Variants in VAV2 observed in about 807,000 individuals in gnomAD.
VAV2 encodes the protein vav guanine nucleotide exchange factor 2, also known as guanine nucleotide exchange factor VAV2.
In VAV2, 67 loss-of-function variants were observed where a neutral mutation model predicts 132.5. That is an observed-to-expected ratio of 0.51 (90% confidence interval 0.42 to 0.62). The LOEUF is 0.62. Among genes scored for constraint, VAV2 ranks in the 20% least tolerant of loss-of-function variants. The pLI, the probability that VAV2 is intolerant of heterozygous loss-of-function variation, is 0.00. For synonymous variants in VAV2, 492 were observed against 443.5 expected, an observed-to-expected ratio of 1.11 and a Z score of -1.37; for missense variants, 938 against 1,153.6, an observed-to-expected ratio of 0.81 and a Z score of 2.71.
chr9:133,815,674 C>A (rs1835529344), intron 4 of VAV2, among the ~76,000 whole-genome samples: 1 of 152,184 alleles, frequency 6.6e-6, no homozygotes. Context: ...ACGGCATGAA[C>A]AACAACGTGC....
At chr9:133,862,317 G>C (rs189129056) in intron 2 of VAV2, among the ~76,000 whole-genome samples, 5 of 152,372 alleles carry the variant, frequency 3.3e-5, no homozygotes, top group African/African-American at 1.2e-4. Flanking sequence ...CGCGGTGGGG[G>C]ACAGGGAGCT....
chr9:133,973,815 G>T (rs1842420129), intron 1 of VAV2, among the ~76,000 whole-genome samples: 1 of 152,128 alleles, frequency 6.6e-6, no homozygotes, highest in Non-Finnish European at 1.5e-5. Context: ...CCCTAAAGAG[G>T]AAGACAAAAT....
rs1320806838 is a variant in VAV2, at chr9:133,768,717, G to A, written c.2435-121C>T. On this transcript the variant is annotated intron_variant, in intron 28 of 29. Transcript: ENST00000371850. The surrounding 1 kb of genome is among the most constrained non-coding windows in gnomAD (Gnocchi z 5.3). ...CCCAGAACCCTGCTCTGTACCCAGA[G>A]AGGAAGGATGTCAAGCAGAAAGGCT... 5 of 1,269,036 alleles carry A rather than the reference G, an allele frequency of 3.9e-6. No individual in the cohort carries two copies. Among genetic ancestry groups the A allele is most frequent in the South Asian group, 1.5e-5 (1 of 65,358 alleles). 78.6% of individuals were successfully genotyped at this position (1,269,036 alleles called of 1,614,324 possible).
At chr9:133,846,759 C>T (rs376475745) in intron 3 of VAV2, among the ~76,000 whole-genome samples, 3 of 152,240 alleles carry the variant, frequency 2.0e-5, no homozygotes, top group Non-Finnish European at 4.4e-5. Context: ...GAGACCGTGT[C>T]CCGGGAACTC....
chr9:133,869,090 G>A (rs77712854), intron 2 of VAV2, among the ~76,000 whole-genome samples: 5,736 of 151,604 alleles, frequency 0.038, 219 homozygotes, highest in African/African-American at 0.095. Flanking sequence ...TCTGCCTCCC[G>A]GGCTCAAGCG....
At chr9:133,964,048 T>TATATAC (rs1483475230) in intron 1 of VAV2, among the ~76,000 whole-genome samples, 2 of 80,474 alleles carry the variant, frequency 2.5e-5, no homozygotes, top group Admixed American at 3.0e-4. Flanking sequence ...TATATATATA[T>TATATAC]ACATATATAT....
intron 3 of VAV2, among the ~76,000 whole-genome samples, chr9:133,858,334 G>A (rs766859197): frequency 2.0e-5 from 3 of 152,158 alleles, no homozygotes; most frequent in Non-Finnish European, 2.9e-5. Context: ...GTGAGGACCC[G>A]CACTCCAGGG....
At chr9:133,852,109 G>A (rs1295195139) in intron 3 of VAV2, among the ~76,000 whole-genome samples, 1 of 152,108 alleles carries the variant, frequency 6.6e-6, no homozygotes, top group Non-Finnish European at 1.5e-5. Context: ...ACAAACTGAA[G>A]AATGGATGGG....
intron 2 of VAV2, among the ~76,000 whole-genome samples, chr9:133,913,930 C>T (rs1348295705): frequency 6.6e-6 from 1 of 152,228 alleles, no homozygotes; most frequent in African/African-American, 2.4e-5. Flanking sequence ...TCAGCCACTC[C>T]CCCAGACTCT....
intron 24 of VAV2, among the ~76,000 whole-genome samples, chr9:133,775,319 C>T (rs75558248): frequency 0.056 from 8,576 of 152,174 alleles, 459 homozygotes; most frequent in African/African-American, 0.14. Flanking sequence ...TGACTGTGGC[C>T]ACCAGCCAGT....
intron 1 of VAV2, among the ~76,000 whole-genome samples, chr9:133,982,886 G>A (rs774058449): frequency 2.0e-5 from 3 of 152,184 alleles, no homozygotes; most frequent in Admixed American, 6.5e-5. Flanking sequence ...ACGCTCCTCC[G>A]TTTACAGACC....
chr9:133,929,111 G>T (rs1840585035), intron 2 of VAV2, among the ~76,000 whole-genome samples: 1 of 152,168 alleles, frequency 6.6e-6, no homozygotes, highest in African/African-American at 2.4e-5. Flanking sequence ...ACAGCTGCGA[G>T]ACCTGAAGCA....
In VAV2 at chr9:133,917,625, C is replaced by T. The variant is rs574553065; in HGVS notation, c.321+21478G>A. ...TGCCTACCCCCTCTGGGCCTCACTC[C>T]CTGTCCTAGCCTGCCTGAGAGAGTG... On this transcript the variant is annotated intron_variant, in intron 2 of 29. Coordinates refer to ENST00000371850, the MANE Select transcript of VAV2 (RefSeq NM_001134398.2). Among the ~76,000 whole-genome samples the T allele has an allele frequency of 3.6e-3, 551 of 152,298 alleles. 7 individuals are homozygous for T. The highest frequency in any genetic ancestry group is 0.024 in the Middle Eastern group (7 of 294).
At position 133,961,533 on chromosome 9, in the gene VAV2, C is replaced by G. The variant is rs141466183; in HGVS notation, c.205-22314G>C. Among the ~76,000 whole-genome samples, 1 of 152,166 alleles carries G rather than the reference C, an allele frequency of 6.6e-6. No homozygotes were observed. Among genetic ancestry groups the G allele is most frequent in the Admixed American group, 6.5e-5 (1 of 15,280 alleles). The stretch of plus-strand genomic sequence containing the variant: ...ATGGAGGGAGCCCTTTCCCACCCCC[C>G]GCTCAACAGGAACACAGCTGCTTCA... On this transcript the variant is annotated intron_variant, in intron 1 of 29. Transcript: ENST00000371850. The surrounding 1 kb of genome is among the most constrained non-coding windows in gnomAD (Gnocchi z 4.1).
intron 1 of VAV2, among the ~76,000 whole-genome samples, chr9:133,947,130 G>A (rs1056411001): frequency 6.6e-6 from 1 of 152,156 alleles, no homozygotes; most frequent in African/African-American, 2.4e-5. Flanking sequence ...CAAGACGTCA[G>A]GGGCCCCCAA....
At chr9:133,809,617 G>T (rs1459081042) in intron 6 of VAV2, among the ~76,000 whole-genome samples, 1 of 152,224 alleles carries the variant, frequency 6.6e-6, no homozygotes, top group East Asian at 1.9e-4. Context: ...CCACCTGCAG[G>T]CTGGACTCTT....
chr9:133,973,875 A>G (rs1291215167), intron 1 of VAV2, among the ~76,000 whole-genome samples: 2 of 151,870 alleles, frequency 1.3e-5, no homozygotes. Flanking sequence ...CACTCAGCTG[A>G]CTGCTGGGAA....
At chr9:133,943,857 G>A (rs574908031) in intron 1 of VAV2, among the ~76,000 whole-genome samples, 33 of 152,362 alleles carry the variant, frequency 2.2e-4, no homozygotes, top group African/African-American at 7.9e-4. Flanking sequence ...ATCGGCAGCC[G>A]CAGATCTAAT....
intron 2 of VAV2, among the ~76,000 whole-genome samples, chr9:133,932,878 C>T (rs538445723): frequency 2.8e-4 from 43 of 152,336 alleles, no homozygotes; most frequent in Non-Finnish European, 5.1e-4. Context: ...CCAGGTCTCC[C>T]CAGGTGGCAG....
Sources: allele counts gnomAD v4.1 joint callset (sites outside exome capture counted in the v4.1 genomes callset), GRCh38; gene constraint gnomAD v4.1.1; non-coding constraint Gnocchi (gnomAD v3.1); transcripts MANE v1.5; gene names NCBI Gene and HGNC (gene_info 2026-07-23, HGNC 2026-07-21).